CYFIP1: variants seen among roughly 807,000 people sequenced by gnomAD.
The protein encoded by CYFIP1 is cytoplasmic FMR1 interacting protein 1, also known as cytoplasmic FMR1-interacting protein 1.
Under a neutral mutation model 163.5 loss-of-function variants are expected in CYFIP1, and 58 were observed. That is an observed-to-expected ratio of 0.35 (90% CI 0.29 to 0.44). The LOEUF (loss-of-function observed/expected upper bound fraction) is 0.44. Ranked by LOEUF, CYFIP1 falls within the 20% of genes least tolerant of loss-of-function variation. CYFIP1 has a pLI of 1.00. For synonymous variants in CYFIP1, 663 were observed against 660.7 expected, an observed-to-expected ratio of 1.00 and a Z score of -0.05; for missense variants, 1,338 against 1,653.8, an observed-to-expected ratio of 0.81 and a Z score of 3.31.
chr15:22,870,391 C>T (rs1375930630), intron 30 of CYFIP1, among the ~76,000 whole-genome samples, 199 bp from the exon 31 acceptor site: 4 of 151,940 alleles, frequency 2.6e-5, no homozygotes, highest in East Asian at 1.9e-4. Flanking sequence ...GGCATGATCA[C>T]GGCTCACTGT....
In CYFIP1 at chr15:22,939,164, C is replaced by T. The variant is rs531949889; in HGVS notation, c.795+28G>A. 12 of 1,613,740 alleles carry T rather than the reference C, an allele frequency of 7.4e-6. No homozygotes were observed. In the East Asian group the frequency reaches 1.1e-4, roughly 15 times the overall value. ...AGAGTAAGGCTGTCCCTCGGCAGTG[C>T]CACGGGCTAGCGTCCCCACACACGT... On this transcript the variant is annotated intron_variant, in intron 8 of 30. Transcript: ENST00000617928.
intron 1 of CYFIP1, among the ~76,000 whole-genome samples, chr15:22,964,353 TCACACACACA>T (rs71117466): frequency 0.024 from 1,896 of 78,696 alleles, 33 homozygotes; most frequent in Middle Eastern, 0.058. Context: ...ACCTCATCAC[TCACACACACA>T]CACACACACA....
At chr15:22,918,348 C>A (rs1218876977) in intron 14 of CYFIP1, among the ~76,000 whole-genome samples, 1 of 152,100 alleles carries the variant, frequency 6.6e-6, no homozygotes, top group Non-Finnish European at 1.5e-5. Flanking sequence ...CCATGTCTCT[C>A]GACTGGTTTG....
At chr15:22,902,791 C>A (rs1278537225) in intron 22 of CYFIP1, among the ~76,000 whole-genome samples, 1 of 152,096 alleles carries the variant, frequency 6.6e-6, no homozygotes, top group Middle Eastern at 3.2e-3. Flanking sequence ...TGACCCACGG[C>A]CCCACAGGAA....
At chr15:22,937,950 TGCTCCGCAGGGGCTCATGGCCAGG>T (rs1219447708) in intron 8 of CYFIP1, among the ~76,000 whole-genome samples, 1 of 152,106 alleles carries the variant, frequency 6.6e-6, no homozygotes, top group Non-Finnish European at 1.5e-5. Flanking sequence ...CATGCTCCAG[TGCTCCGCAGGGGCTCATGGCCAGG>T]GCTCCCACAC....
At chr15:22,881,022 T>C (rs1465914629) in intron 25 of CYFIP1, among the ~76,000 whole-genome samples, 1 of 152,178 alleles carries the variant, frequency 6.6e-6, no homozygotes, top group Non-Finnish European at 1.5e-5. Context: ...TGAAAACAGA[T>C]TCTCTTGAGC....
In CYFIP1 at chr15:22,910,590, T is replaced by C; in HGVS notation, c.2198A>G (p.Asn733Ser). 1 of 1,614,196 alleles carries C rather than the reference T, an allele frequency of 6.2e-7. No homozygotes were observed. Among genetic ancestry groups the C allele is most frequent in the Non-Finnish European group, 8.5e-7 (1 of 1,180,004 alleles). ...CGGGAGGTGGATCGTGGCTCCCTGA[T>C]TCTTGCATTCTGATCGTAACCGTTT... is the stretch of plus-strand genomic sequence containing the variant. ...LDKRLRSECK[N>S]QGATIHLPPS... The change falls in exon 20 of 31, where the codon AAT (asparagine) becomes AGT (serine). Residue 733 changes from asparagine (N) to serine (S), a missense_variant. Around this residue, in one of 4 missense-constraint regions of CYFIP1, gnomAD observed 824 missense variants for 995.7 expected, o/e 0.83. Transcript: ENST00000617928.
intron 22 of CYFIP1, among the ~76,000 whole-genome samples, chr15:22,898,257 TTTTA>T (rs1038913315): frequency 2.8e-4 from 43 of 152,022 alleles, no homozygotes; most frequent in Admixed American, 5.2e-4. Context: ...TTTAATTTAA[TTTTA>T]TTTATTTATT....
chr15:22,882,290 T>TG (rs779558413), intron 24 of CYFIP1, among the ~76,000 whole-genome samples: 24 of 152,200 alleles, frequency 1.6e-4, no homozygotes, highest in Admixed American at 3.3e-4. Context: ...TCTGTGCTCC[T>TG]GGGTGCGGCC....
Position 22,908,778 on chromosome 15 carries a change from G to A in CYFIP1, c.2388+416C>T, listed in dbSNP as rs375024725. 3.3e-3 allele frequency among the ~76,000 whole-genome samples: 494 copies of A among 151,958 alleles called. 3 individuals are homozygous for A. The highest frequency in any genetic ancestry group is 5.5e-3 in the Non-Finnish European group (372 of 67,936). ...TCCTGACCTCAAATGATCCACCCCC[G>A]CAGGCCTCCCAAAGTGCTGGGATTA... On this transcript the variant is annotated intron_variant, in intron 21 of 30. Coordinates refer to ENST00000617928, the MANE Select transcript of CYFIP1 (RefSeq NM_014608.6).
chr15:22,922,729 T>A (rs137883433), intron 13 of CYFIP1, among the ~76,000 whole-genome samples: 1 of 152,198 alleles, frequency 6.6e-6, no homozygotes, highest in Non-Finnish European at 1.5e-5. Flanking sequence ...TGGCGGCTCA[T>A]GCCTGTAATC....
chr15:22,907,597 C>G (rs949744852), intron 21 of CYFIP1, among the ~76,000 whole-genome samples: 1 of 152,220 alleles, frequency 6.6e-6, no homozygotes, highest in Non-Finnish European at 1.5e-5. Flanking sequence ...AAACCCTCCC[C>G]CTGCTCCCAC....
intron 22 of CYFIP1, among the ~76,000 whole-genome samples, 200 bp from the exon 23 acceptor site, chr15:22,893,177 C>G (rs1329777242): frequency 6.6e-6 from 1 of 152,186 alleles, no homozygotes; most frequent in Non-Finnish European, 1.5e-5. Flanking sequence ...GCACCCAAAG[C>G]TCAGGGGCCA....
chr15:22,934,402 G>A (rs1335640618), intron 9 of CYFIP1, among the ~76,000 whole-genome samples: 2 of 147,388 alleles, frequency 1.4e-5, no homozygotes, highest in African/African-American at 5.0e-5. Context: ...AGCCAGGATG[G>A]TCTCAATCTC....
chr15:22,930,701 TA>T (rs1258667423), intron 11 of CYFIP1, among the ~76,000 whole-genome samples: 1 of 152,052 alleles, frequency 6.6e-6, no homozygotes, highest in East Asian at 1.9e-4. Flanking sequence ...AATAAGGAGA[TA>T]AAGAAAAAAT....
At chr15:22,890,887 G>C (rs117867855) in intron 23 of CYFIP1, among the ~76,000 whole-genome samples, 2,376 of 152,240 alleles carry the variant, frequency 0.016, 22 homozygotes, top group Middle Eastern at 0.044. Context: ...AGTGTGGAAT[G>C]ATGGAATGAG....
chr15:22,915,744 G>A (rs777199921), intron 16 of CYFIP1, among the ~76,000 whole-genome samples: 17 of 151,980 alleles, frequency 1.1e-4, no homozygotes, highest in South Asian at 4.1e-4. Context: ...GCAAGACTTC[G>A]TCTCAACAAA....
intron 1 of CYFIP1, among the ~76,000 whole-genome samples, chr15:22,961,536 G>A (rs139610174): frequency 0.017 from 2,513 of 152,018 alleles, 77 homozygotes; most frequent in African/African-American, 0.057. Flanking sequence ...GCACCACCAC[G>A]TCTGGCTAAT....
In CYFIP1 at chr15:22,917,387, C is replaced by G; in HGVS notation, c.1674+401G>C. On this transcript the variant is annotated intron_variant, in intron 15 of 30. Coordinates refer to ENST00000617928, the MANE Select transcript of CYFIP1 (RefSeq NM_014608.6). This position sits in a 1 kb window ranked among gnomAD's most constrained non-coding sequence, Gnocchi z 4.2. The stretch of plus-strand genomic sequence containing the variant: ...GAGAGGACAGTGGGCAGCTTAGGAC[C>G]ATGACACACGCAAGCAGCACCTCAC... 1 of 948,576 alleles carries G rather than the reference C, an allele frequency of 1.1e-6. No homozygotes were observed. Among genetic ancestry groups the G allele is most frequent in the Non-Finnish European group, 1.4e-6 (1 of 716,610 alleles). 58.8% of individuals were successfully genotyped at this position (948,576 alleles called of 1,614,324 possible).
Sources: allele counts gnomAD v4.1 joint callset (sites outside exome capture counted in the v4.1 genomes callset), GRCh38; gene constraint gnomAD v4.1.1; regional missense constraint gnomAD v4.1.1; non-coding constraint Gnocchi (gnomAD v3.1); transcripts MANE v1.5; gene names NCBI Gene and HGNC (gene_info 2026-07-23, HGNC 2026-07-21).